REN: variants seen among roughly 807,000 people sequenced by gnomAD.
REN encodes angiotensin-forming enzyme.
REN carries 42 observed loss-of-function variants against 48.6 expected under a neutral mutation model. The ratio of observed to expected loss-of-function variants is 0.86; its 90% confidence interval spans 0.68 to 1.12. The LOEUF (loss-of-function observed/expected upper bound fraction) is 1.12. Among genes scored for constraint, REN ranks in the 50% most tolerant of loss-of-function variants. The pLI, the probability that REN is intolerant of heterozygous loss-of-function variation, is 0.00. For missense variants in REN, 443 were observed against 527.3 expected, an observed-to-expected ratio of 0.84 and a Z score of 1.57; for synonymous variants, 196 against 204.6, an observed-to-expected ratio of 0.96 and a Z score of 0.36.
chr1:204,155,768 G>T (rs1422055534), intron 9 of REN, 52 bp downstream of exon 9: 1 of 1,306,994 alleles, frequency 7.7e-7, no homozygotes, highest in Non-Finnish European at 1.1e-6. Flanking sequence ...CTCTTTGAGG[G>T]TCTCTGTCCA....
At position 204,160,632 on chromosome 1, in the gene REN, G is replaced by A. The variant is rs759245361; in HGVS notation, c.420C>T (p.His140=). ...FDASDSSSYK[H]NGTELTLRYS... ...AGCGGAGGGTGAGTTCTGTTCCATT[G>A]TGCTTGTAGCTGGAGGAATCCGAAG... The change falls in exon 4 of 10, where the codon CAC becomes CAT. Residue 140 remains histidine (H), a synonymous_variant. Coordinates refer to ENST00000272190, the MANE Select transcript of REN (RefSeq NM_000537.4). 1 of 1,614,066 alleles carries A rather than the reference G, an allele frequency of 6.2e-7. No individual in the cohort carries two copies. The highest frequency in any genetic ancestry group is 2.2e-5 in the East Asian group (1 of 44,892).
In REN at chr1:204,156,633, C is replaced by A; in HGVS notation, c.818+44G>T. ...TCCCCACCCTCCCCAACCCCAGTGA[C>A]GGCAGCATTTTTTGGAGCCCGGGGA... On this transcript the variant is annotated intron_variant, in intron 7 of 9. Coordinates refer to ENST00000272190, the MANE Select transcript of REN (RefSeq NM_000537.4). The surrounding 1 kb of genome is among the most constrained non-coding windows in gnomAD (Gnocchi z 4.2). 1 of 1,579,190 alleles carries A rather than the reference C, an allele frequency of 6.3e-7. No homozygotes were observed. Among genetic ancestry groups the A allele is most frequent in the Non-Finnish European group, 8.7e-7 (1 of 1,152,472 alleles).
rs560685190 is a variant in REN, at chr1:204,156,015, G to T, written c.961-97C>A. The stretch of plus-strand genomic sequence containing the variant: ...TGGCCTGGTCTCTCTGCTGGAGAGG[G>T]CTGGGGACAGTGCCCCGCCCCATGG... On this transcript the variant is annotated intron_variant, in intron 8 of 9. Transcript: ENST00000272190. The surrounding 1 kb of genome is among the most constrained non-coding windows in gnomAD (Gnocchi z 4.2). 4.0e-4 allele frequency: 576 copies of T among 1,424,002 alleles called. 13 individuals are homozygous for T. In the South Asian group the frequency reaches 6.4e-3, roughly 16 times the overall value. 88.2% of individuals were successfully genotyped at this position (1,424,002 alleles called of 1,614,324 possible). A position where few individuals can be genotyped will look rare whatever the true frequency, so the allele number is the denominator to read the frequency against.
At chr1:204,164,003 A>T (rs927429278) in intron 1 of REN, among the ~76,000 whole-genome samples, 1 of 152,244 alleles carries the variant, frequency 6.6e-6, no homozygotes, top group Admixed American at 6.5e-5. Context: ...GAGCTCATTC[A>T]TTCAGCTGTC....
intron 1 of REN, among the ~76,000 whole-genome samples, chr1:204,162,518 G>T (rs1183349894): frequency 4.6e-5 from 7 of 152,230 alleles, no homozygotes; most frequent in Non-Finnish European, 1.0e-4. Context: ...ACTGGAGCTA[G>T]AAAGATAATG....
At position 204,166,288 on chromosome 1, in the gene REN, A is replaced by G. The variant is rs1335178711; in HGVS notation, c.6T>C (p.Asp2=). Residue 2 remains aspartate (D), a synonymous_variant, in exon 1 of 10, where the codon GAT becomes GAC. Coordinates refer to ENST00000272190, the MANE Select transcript of REN (RefSeq NM_000537.4). ...CCCAGCGAGGCATCCTTCTCCATCC[A>G]TCCATGCTTCCCTCAGTCTGGGGCT... M[D]GWRRMPRWGL... The G allele has an allele frequency of 1.9e-6, 3 of 1,614,130 alleles. No homozygotes were observed. Among genetic ancestry groups the G allele is most frequent in the Middle Eastern group, 1.6e-4 (1 of 6,062 alleles).
rs193079156 is a variant in REN, at chr1:204,157,778, G to A, written c.690-409C>T. Among the ~76,000 whole-genome samples the A allele has an allele frequency of 1.8e-4, 28 of 152,200 alleles. No homozygotes were observed. In the East Asian group the frequency reaches 4.1e-3, roughly 22 times the overall value. On this transcript the variant is annotated intron_variant, in intron 5 of 9. Transcript: ENST00000272190. ...AAACTACTTGTGTTTTTATAAATTC[G>A]GAATGTATGTGTATATGCTAGCACA...
At chr1:204,163,230 A>G (rs1658280921) in intron 1 of REN, among the ~76,000 whole-genome samples, 1 of 151,966 alleles carries the variant, frequency 6.6e-6, no homozygotes. Context: ...GTCCTCCTAT[A>G]CTCACACTAC....
chr1:204,159,189 C>T (rs1658200239), intron 5 of REN: 1 of 644,638 alleles, frequency 1.6e-6, no homozygotes, highest in Admixed American at 2.2e-5. Flanking sequence ...AACTAAGAGC[C>T]ACCAGTTGAA....
intron 8 of REN, 76 bp from the exon 9 acceptor site, chr1:204,155,994 C>G (rs11571122): frequency 6.9e-7 from 1 of 1,450,240 alleles, no homozygotes; most frequent in Non-Finnish European, 9.7e-7. Context: ...CGCTGGTGGC[C>G]TGGTCTCTCT....
chr1:204,155,907 C>G lies in REN; in HGVS notation c.972G>C (p.Lys324Asn). Residue 324 changes from lysine to asparagine, a missense_variant, in exon 9 of 10, where the codon AAG becomes AAC. Coordinates refer to ENST00000272190, the MANE Select transcript of REN (RefSeq NM_000537.4). The stretch of plus-strand genomic sequence containing the variant: ...CGGGGAGTGTAGGGCCCTCGTTACA[C>G]TTCACGACATACTGGGGTGGGGGGC... ...AKKRLFDYVV[K>N]CNEGPTLPDI... The G allele has an allele frequency of 6.2e-7, 1 of 1,613,672 alleles. No homozygotes were observed. The highest frequency in any genetic ancestry group is 8.5e-7 in the Non-Finnish European group (1 of 1,179,782).
In REN at chr1:204,156,353, C is replaced by CAGACAGACAGAA. The variant is rs1658150626; in HGVS notation, c.819-46_819-35dup. 6.3e-7 allele frequency: 1 copy of CAGACAGACAGAA among 1,599,788 alleles called. No homozygotes were observed. The highest frequency in any genetic ancestry group is 1.3e-5 in the African/African-American group (1 of 74,598). On this transcript the variant is annotated intron_variant, in intron 7 of 9. Transcript: ENST00000272190. The surrounding 1 kb of genome is among the most constrained non-coding windows in gnomAD (Gnocchi z 4.2). ...GGCCACAGTCAGACAGACAGACAGACAGACAGACAGAAGGCTGATGGGGCA... is the reference window on the plus strand; with the variant it reads ...GGCCACAGTCAGACAGACAGACAGACAGACAGACAGAAAGACAGACAGAAGGCTGATGGGGCA...
In REN at chr1:204,154,891, C is replaced by T. The variant is rs1192795900; in HGVS notation, c.*125G>A. 2 of 1,132,506 alleles carry T rather than the reference C, an allele frequency of 1.8e-6. No individual in the cohort carries two copies. The allele number at this position is 1,132,506 out of a possible 1,614,324, so 70.2% of individuals were successfully genotyped here. The stretch of plus-strand genomic sequence containing the variant: ...CTGGTGCAGGGGTCAGGGCACGCAT[C>T]CAGCAGGAGCTCCACATCCAATGTC... On this transcript the variant is annotated 3_prime_UTR_variant, in exon 10 of 10. Coordinates refer to ENST00000272190, the MANE Select transcript of REN (RefSeq NM_000537.4).
intron 1 of REN, among the ~76,000 whole-genome samples, chr1:204,162,990 G>A (rs780570410): frequency 1.3e-5 from 2 of 152,226 alleles, no homozygotes; most frequent in African/African-American, 4.8e-5. Flanking sequence ...AAGGCTCACA[G>A]GGACAAAGGT....
rs1396765228 is a variant in REN, at chr1:204,162,067, C to T, written c.195G>A (p.Lys65=). Residue 65 remains lysine (K), a synonymous_variant, in exon 2 of 10, where the codon AAG becomes AAA. Transcript: ENST00000272190. The stretch of plus-strand genomic sequence containing the variant: ...AGGTGGTGTTGCCAAGTGTCAGCCT[C>T]TTCATGGGTTGGCTCCACTCGGGAC... ...RLGPEWSQPM[K]RLTLGNTTSS... The T allele has an allele frequency of 6.2e-7, 1 of 1,614,138 alleles. No homozygotes were observed. The highest frequency in any genetic ancestry group is 1.7e-5 in the Admixed American group (1 of 60,012).
At chr1:204,160,475 C>T (rs761246585) in intron 4 of REN, 85 bp downstream of exon 4, 5 of 894,316 alleles carry the variant, frequency 5.6e-6, no homozygotes, top group Non-Finnish European at 5.7e-6. Flanking sequence ...AGTGTACCTC[C>T]CCGCAGGTGT....
At chr1:204,166,167 A>G (rs1446189177) in intron 1 of REN, 29 bp downstream of exon 1, 3 of 1,592,242 alleles carry the variant, frequency 1.9e-6, no homozygotes, top group Admixed American at 1.7e-5. Context: ...CACCCCTCCC[A>G]CCCCTTCTCT....
intron 1 of REN, among the ~76,000 whole-genome samples, chr1:204,164,863 A>T (rs948515955): frequency 2.0e-5 from 3 of 151,716 alleles, no homozygotes; most frequent in African/African-American, 7.3e-5. Flanking sequence ...CCGCGTGCCC[A>T]GCTTCCTTCT....
rs773931795 is a variant in REN, at chr1:204,160,724, CAG to C, written c.374-48_374-47del. 30 of 1,368,050 alleles carry C rather than the reference CAG, an allele frequency of 2.2e-5. No individual in the cohort carries two copies. The African/African-American group carries it at 2.9e-4, about 13-fold the overall frequency. 84.7% of individuals were successfully genotyped at this position (1,368,050 alleles called of 1,614,324 possible). A position where few individuals can be genotyped will look rare whatever the true frequency, so the allele number is the denominator to read the frequency against. The stretch of plus-strand genomic sequence containing the variant: ...CAGGTTTGTCCAAGAGTGGCCCAGA[CAG>C]GGGGACTCAGAGGCAGGGTGCATTG... On this transcript the variant is annotated intron_variant, in intron 3 of 9. Transcript: ENST00000272190.
Sources: allele counts gnomAD v4.1 joint callset (sites outside exome capture counted in the v4.1 genomes callset), GRCh38; gene constraint gnomAD v4.1.1; non-coding constraint Gnocchi (gnomAD v3.1); transcripts MANE v1.5; gene names NCBI Gene and HGNC (gene_info 2026-07-23, HGNC 2026-07-21).